The following ZNF263 variants were observed in gnomAD, a reference collection of about 807,000 sequenced individuals.
The protein encoded by ZNF263 is zinc finger protein 263.
Under a neutral mutation model 63.1 loss-of-function variants are expected in ZNF263, and 49 were observed. The ratio of observed to expected loss-of-function variants is 0.78; its 90% CI spans 0.62 to 0.99. The LOEUF is 0.99. ZNF263 is among the 50% of genes least tolerant of loss of function. ZNF263 has a pLI of 0.00. For synonymous variants in ZNF263, 352 were observed against 324.2 expected (o/e 1.09, Z -0.92); for missense variants, 872 against 854.8 (o/e 1.02, Z -0.25).
At position 3,285,239 on chromosome 16, in the gene ZNF263, G is replaced by A. The variant is rs755610770; in HGVS notation, c.568G>A (p.Ala190Thr). 6.2e-7 allele frequency: 1 copy of A among 1,609,890 alleles called. No homozygotes were observed. The highest frequency in any genetic ancestry group is 8.5e-7 in the Non-Finnish European group (1 of 1,177,758). Residue 190 changes from alanine (A) to threonine (T), a missense_variant and splice_region_variant, in exon 2 of 6, where the codon GCA becomes ACA. By Grantham distance (58) the Ala-to-Thr change is moderately conservative (BLOSUM62 0). Transcript: ENST00000219069. ...GGACCCCCAGGCTGTAAAGGAGAGG[G>A]GTGAGGCACAGTTATCTGGGCAGGT... ...QRDPQAVKER[A>T]LSAPWLSLFP... is the part of the protein sequence containing the mutation.
downstream of ZNF263, chr16:3,292,986 C>T (rs1056584782): frequency 6.6e-6 from 1 of 152,248 alleles, no homozygotes; most frequent in African/African-American, 2.4e-5. Context: ...GAAGACCACA[C>T]TGGCAGGAAT....
At chr16:3,286,207 G>A (rs753050041) in intron 4 of ZNF263, 58 bp downstream of exon 4, 14 of 1,523,304 alleles carry the variant, frequency 9.2e-6, no homozygotes, top group Non-Finnish European at 6.1e-6. Context: ...GGTCCTGCCC[G>A]TTATTCATTC....
chr16:3,286,899 A>C (rs2150772606), intron 4 of ZNF263: 1 of 152,308 alleles, frequency 6.6e-6, no homozygotes, highest in Non-Finnish European at 1.5e-5. Context: ...GACTGTGTGT[A>C]CATTATGATT....
downstream of ZNF263, chr16:3,293,193 C>T (rs1278820769): frequency 2.0e-5 from 3 of 152,190 alleles, no homozygotes; most frequent in Non-Finnish European, 4.4e-5. Context: ...CGGTTTTCCC[C>T]TATGCTGTTC....
At chr16:3,286,187 T>G in intron 4 of ZNF263, 38 bp downstream of exon 4, 1 of 1,555,940 alleles carries the variant, frequency 6.4e-7, no homozygotes, top group Non-Finnish European at 8.6e-7. Flanking sequence ...ACTGCGCCAT[T>G]TCTGACCAGG....
chr16:3,295,502 C>T (rs1959719329), downstream of ZNF263, among the ~76,000 whole-genome samples: 1 of 152,232 alleles, frequency 6.6e-6, no homozygotes, highest in African/African-American at 2.4e-5. Flanking sequence ...CGGTGGCGCA[C>T]CTGCACCCTC....
intron 4 of ZNF263, among the ~76,000 whole-genome samples, chr16:3,288,107 C>G (rs1249325698): frequency 6.6e-6 from 1 of 151,920 alleles, no homozygotes; most frequent in Non-Finnish European, 1.5e-5. Context: ...CAAAAATTAG[C>G]CGGGTGTGGT....
chr16:3,285,300 C>T, intron 2 of ZNF263, 61 bp downstream of exon 2: 1 of 1,514,170 alleles, frequency 6.6e-7, no homozygotes, highest in Non-Finnish European at 8.9e-7. Flanking sequence ...GCCCCCGACA[C>T]TAGCTGGATG....
Position 3,290,404 on chromosome 16 carries a change from G to A in ZNF263, c.1898G>A (p.Cys633Tyr). The A allele has an allele frequency of 6.2e-7, 1 of 1,614,162 alleles. No individual in the cohort carries two copies. Reference protein sequence around the residue: ...RIHTGEKPYTCHECGDSFSHS... With the variant: ...RIHTGEKPYTYHECGDSFSHS... ...CACACAGGAGAAAAACCCTATACCT[G>A]TCATGAGTGCGGAGACAGCTTCTCT... Residue 633 changes from cysteine (C) to tyrosine (Y), a missense_variant, in exon 6 of 6, where the codon TGT becomes TAT. Physicochemically the swap from Cys to Tyr is radical, Grantham distance 194. Transcript: ENST00000219069.
chr16:3,290,021 C>A lies in ZNF263; in HGVS notation c.1515C>A (p.Leu505=), dbSNP rs1489258288. The A allele has an allele frequency of 3.7e-6, 6 of 1,613,936 alleles. No individual in the cohort carries two copies. In the African/African-American group the frequency reaches 5.3e-5, roughly 14 times the overall value. Reference sequence around the variant, plus strand: ...AGATCTTTGCTCACAGTTCCAACCTCCTTCGGCACCAGAGAATTCACACTG... The same window carrying A: ...AGATCTTTGCTCACAGTTCCAACCTACTTCGGCACCAGAGAATTCACACTG... The part of the protein sequence containing the change: ...CGEIFAHSSN[L]LRHQRIHTGE... Residue 505 remains leucine (L), a synonymous_variant, in exon 6 of 6, where the codon CTC becomes CTA. Coordinates refer to ENST00000219069, the MANE Select transcript of ZNF263 (RefSeq NM_005741.5).
At chr16:3,286,323 T>G in intron 4 of ZNF263, 174 bp downstream of exon 4, 1 of 938,576 alleles carries the variant, frequency 1.1e-6, no homozygotes, top group South Asian at 2.1e-5. Context: ...AGTGGTACAG[T>G]TGGCACAGGC....
chr16:3,299,121 C>G lies in ZNF263; in HGVS notation c.*11C>G, dbSNP rs771286715. On this transcript the variant is annotated 3_prime_UTR_variant, in exon 2 of 3. Transcript: ENST00000574674. ...TCTCTTTCAGTGTGAAGTGGAATCT[C>G]TGAAACTCAGGTGTGGCATCAACAA... 7.2e-5 allele frequency: 105 copies of G among 1,467,192 alleles called. No homozygotes were observed. Among genetic ancestry groups the G allele is most frequent in the Non-Finnish European group, 8.8e-5 (98 of 1,111,008 alleles). 90.9% of individuals were successfully genotyped at this position (1,467,192 alleles called of 1,614,324 possible).
rs1354367205 is a variant in ZNF263 at position 3,284,190 on chromosome 16, G to A, written c.372G>A (p.Gly124=). 1 of 1,543,276 alleles carries A rather than the reference G, an allele frequency of 6.5e-7. No individual in the cohort carries two copies. The highest frequency in any genetic ancestry group is 1.2e-5 in the South Asian group (1 of 81,076). The stretch of plus-strand genomic sequence containing the variant: ...TGGAGGATATGCAGAGAGAGCTTGG[G>A]AGACTGAGACAACAGGTGAGAGAGA... The part of the protein sequence containing the change: ...TLVEDMQREL[G]RLRQQVTNHG... Residue 124 remains glycine (G), a synonymous_variant, in exon 1 of 6, where the codon GGG becomes GGA. Transcript: ENST00000219069.
chr16:3,283,895 A>G lies in ZNF263; in HGVS notation c.77A>G (p.Gln26Arg), dbSNP rs747059127. ...VKLEEDCAWS[Q>R]ELPPPDPGPS... ...CTGGAGGAGGACTGCGCCTGGAGCC[A>G]GGAGCTGCCCCCACCTGACCCAGGA... Residue 26 changes from glutamine to arginine, a missense_variant, in exon 1 of 6, where the codon CAG becomes CGG. By Grantham distance (43) the Gln-to-Arg change is conservative. Transcript: ENST00000219069. The G allele has an allele frequency of 2.3e-5, 37 of 1,611,160 alleles. No homozygotes were observed. Among genetic ancestry groups the G allele is most frequent in the Non-Finnish European group, 3.1e-5 (36 of 1,178,942 alleles).
intron 2 of ZNF263, among the ~76,000 whole-genome samples, 156 bp from the exon 3 acceptor site, chr16:3,285,525 G>A (rs544309288): frequency 6.6e-6 from 1 of 152,184 alleles, no homozygotes; most frequent in African/African-American, 2.4e-5. Context: ...CTCTCACCCT[G>A]TCATTTTGGA....
At position 3,289,901 on chromosome 16, in the gene ZNF263, C is replaced by T; in HGVS notation, c.1395C>T (p.Asn465=). 2 of 1,614,176 alleles carry T rather than the reference C, an allele frequency of 1.2e-6. No individual in the cohort carries two copies. Among genetic ancestry groups the T allele is most frequent in the Non-Finnish European group, 1.7e-6 (2 of 1,180,046 alleles). Residue 465 remains asparagine, a synonymous_variant, in exon 6 of 6, where the codon AAC becomes AAT. Coordinates refer to ENST00000219069, the MANE Select transcript of ZNF263 (RefSeq NM_005741.5). The part of the protein sequence containing the change: ...THTGEKPYQC[N]ICGKCFSCNS... ...CGGGTGAGAAGCCCTATCAGTGCAACATTTGCGGAAAATGTTTCTCCTGCA... is the reference window on the plus strand; with the variant it reads ...CGGGTGAGAAGCCCTATCAGTGCAATATTTGCGGAAAATGTTTCTCCTGCA...
In ZNF263 at chr16:3,290,760, A is replaced by G; in HGVS notation, c.*202A>G. 7.2e-7 allele frequency: 1 copy of G among 1,388,948 alleles called. No homozygotes were observed. Among genetic ancestry groups the G allele is most frequent in the Non-Finnish European group, 9.3e-7 (1 of 1,074,824 alleles). 86.0% of individuals were successfully genotyped at this position (1,388,948 alleles called of 1,614,324 possible). A position where few individuals can be genotyped will look rare whatever the true frequency, so the allele number is the denominator to read the frequency against. ...TTCTGTCTGCATGAGAAAGGATGGCAAGTCTCTGAGGTGACCTCAGGGTGG... is the reference window on the plus strand; with the variant it reads ...TTCTGTCTGCATGAGAAAGGATGGCGAGTCTCTGAGGTGACCTCAGGGTGG... On this transcript the variant is annotated 3_prime_UTR_variant, in exon 6 of 6. Transcript: ENST00000219069.
intron 5 of ZNF263, 142 bp downstream of exon 5, chr16:3,288,712 C>A: frequency 3.7e-6 from 2 of 541,036 alleles, no homozygotes. Flanking sequence ...ACAGTGCGAT[C>A]TCGGCTCACT....
At chr16:3,285,659 T>G in intron 2 of ZNF263, 22 bp from the exon 3 acceptor site, 1 of 1,612,132 alleles carries the variant, frequency 6.2e-7, no homozygotes, top group Non-Finnish European at 8.5e-7. Context: ...GCCATTCTCA[T>G]TATAATTTCT....
Sources: allele counts gnomAD v4.1 joint callset (sites outside exome capture counted in the v4.1 genomes callset), GRCh38; gene constraint gnomAD v4.1.1; transcripts MANE v1.5; gene names NCBI Gene and HGNC (gene_info 2026-07-23, HGNC 2026-07-21).